The following CCDC171 variants were observed in gnomAD, a reference collection of about 807,000 sequenced individuals.
The protein encoded by CCDC171 is coiled-coil domain containing 171.
CCDC171 carries 177 observed loss-of-function variants against 168.2 expected under a neutral mutation model. That is an observed-to-expected ratio of 1.05 (90% CI 0.93 to 1.19). The LOEUF (loss-of-function observed/expected upper bound fraction) is 1.19. Among genes scored for constraint, CCDC171 ranks in the 50% most tolerant of loss-of-function variants. The probability of loss-of-function intolerance (pLI) is 0.00; values close to 1 mark genes in which losing one functional copy is unlikely to be tolerated. For missense variants in CCDC171, 1,991 were observed against 1,539.0 expected (o/e 1.29, Z -4.91); for synonymous variants, 687 against 540.8 (o/e 1.27, Z -3.75).
intron 5 of CCDC171, 31 bp from the exon 6 acceptor site, chr9:15,594,010 A>G: frequency 6.6e-7 from 1 of 1,506,266 alleles, no homozygotes; most frequent in South Asian, 1.2e-5. Context: ...TTATTGATCT[A>G]ACAGTAAAGC....
chr9:15,575,443 G>A (rs1282804497), intron 3 of CCDC171, among the ~76,000 whole-genome samples: 1 of 152,022 alleles, frequency 6.6e-6, no homozygotes, highest in Non-Finnish European at 1.5e-5. Flanking sequence ...CAAAGTGCTG[G>A]GACAACAGGT....
chr9:15,936,756 T>G lies in CCDC171; in HGVS notation c.3753+16334T>G, dbSNP rs929195723. ...TGTCCCGTCAAAATGTGCTTCTGATTAGGTGGCTTAATTACAGCTGTGAAA... is the reference window on the plus strand; with the variant it reads ...TGTCCCGTCAAAATGTGCTTCTGATGAGGTGGCTTAATTACAGCTGTGAAA... On this transcript the variant is annotated intron_variant, in intron 25 of 25. Coordinates refer to ENST00000380701, the MANE Select transcript of CCDC171 (RefSeq NM_173550.4). Among the ~76,000 whole-genome samples the G allele has an allele frequency of 2.6e-4, 40 of 152,074 alleles. 2 individuals carry two copies.
intron 6 of CCDC171, among the ~76,000 whole-genome samples, chr9:15,617,926 A>C (rs1480634326): frequency 6.6e-6 from 1 of 152,026 alleles, no homozygotes; most frequent in African/African-American, 2.4e-5. Flanking sequence ...GAGCTCTCTT[A>C]TATGAGGTGT....
In CCDC171 at chr9:15,664,588, A is replaced by ACACACACACACT. The variant is rs1368494841; in HGVS notation, c.916-1574_916-1573insACACACACACTC. ...TTTATACACACACACACACACACAC[A>ACACACACACACT]CTCACACGAGTTGTTTTGTAGCCTT... On this transcript the variant is annotated intron_variant, in intron 8 of 25. Transcript: ENST00000380701. 6.0e-5 allele frequency among the ~76,000 whole-genome samples: 9 copies of ACACACACACACT among 150,096 alleles called. No homozygotes were observed. The South Asian group carries it at 6.3e-4, about 10-fold the overall frequency.
At chr9:15,933,274 G>C (rs1011252749) in intron 25 of CCDC171, among the ~76,000 whole-genome samples, 1 of 151,800 alleles carries the variant, frequency 6.6e-6, no homozygotes, top group Non-Finnish European at 1.5e-5. Context: ...TTCCTCACTT[G>C]TTTTTGGTCT....
At chr9:15,660,120 G>C (rs534236791) in intron 8 of CCDC171, among the ~76,000 whole-genome samples, 1 of 152,098 alleles carries the variant, frequency 6.6e-6, no homozygotes, top group African/African-American at 2.4e-5. Context: ...TAAAGATTTG[G>C]TATTAAAATT....
chr9:16,008,617 T>C (rs550997025), intron 3 of CCDC171, among the ~76,000 whole-genome samples: 1 of 152,300 alleles, frequency 6.6e-6, no homozygotes, highest in East Asian at 1.9e-4. Context: ...TGGTCCCCTG[T>C]TCTTGCCATT....
At chr9:15,989,526 C>T (rs1348104087) in intron 3 of CCDC171, among the ~76,000 whole-genome samples, 1 of 152,090 alleles carries the variant, frequency 6.6e-6, no homozygotes, top group Admixed American at 6.5e-5. Flanking sequence ...GGGCCTCTCC[C>T]CCTCCAAAGG....
In CCDC171 at chr9:15,712,628, G is replaced by A. The variant is rs116621058; in HGVS notation, c.1319-9141G>A. On this transcript the variant is annotated intron_variant, in intron 11 of 25. Transcript: ENST00000380701. ...AGGAAAATCCGTATTCAGAGTAAGT[G>A]TCTATCTTAGTAAGAATAAAGCATT... Among the ~76,000 whole-genome samples the A allele has an allele frequency of 8.2e-4, 125 of 152,330 alleles. 1 individual carries two copies. The highest frequency in any genetic ancestry group is 2.6e-3 in the African/African-American group (109 of 41,576).
In CCDC171 at chr9:16,009,282, C is replaced by T. The variant is rs573859372; in HGVS notation, n.369-11307C>T. ...TCTAGCTAAAAAGGAAACTTCTGTC[C>T]GCTTGAAATAACAGATACTCACCTT... On this transcript the variant is annotated intron_variant and non_coding_transcript_variant, in intron 3 of 9. Transcript: ENST00000486641. 5.9e-5 allele frequency among the ~76,000 whole-genome samples: 9 copies of T among 152,144 alleles called. No individual in the cohort carries two copies. In the South Asian group the frequency reaches 8.3e-4, roughly 14 times the overall value.
chr9:15,980,969 A>C (rs1831776716), intron 3 of CCDC171, among the ~76,000 whole-genome samples: 1 of 152,136 alleles, frequency 6.6e-6, no homozygotes, highest in Admixed American at 6.6e-5. Context: ...GAAGGCAAGA[A>C]AGAGCAAGTC....
chr9:15,590,087 G>C (rs2041871137), intron 4 of CCDC171, among the ~76,000 whole-genome samples: 1 of 152,120 alleles, frequency 6.6e-6, no homozygotes, highest in Non-Finnish European at 1.5e-5. Flanking sequence ...GCTTTCACGA[G>C]AAAAGAAAAA....
chr9:15,594,690 A>AG (rs1334390585), intron 6 of CCDC171, among the ~76,000 whole-genome samples: 1 of 152,144 alleles, frequency 6.6e-6, no homozygotes, highest in Non-Finnish European at 1.5e-5. Context: ...GGAGATTTGG[A>AG]AGTTACTGAC....
chr9:15,773,502 G>A (rs2057122386), intron 18 of CCDC171, among the ~76,000 whole-genome samples: 1 of 152,056 alleles, frequency 6.6e-6, no homozygotes, highest in South Asian at 2.1e-4. Flanking sequence ...AGAATATAGG[G>A]TTCACTTCTT....
the CCDC171 span, among the ~76,000 whole-genome samples, chr9:16,099,302 C>G: frequency 1.3e-5 from 2 of 152,120 alleles, no homozygotes; most frequent in Non-Finnish European, 2.9e-5. Context: ...GTTTATTCTG[C>G]TAAGTTTCAT....
chr9:15,854,128 G>C (rs1385355567), intron 23 of CCDC171, among the ~76,000 whole-genome samples: 2 of 150,248 alleles, frequency 1.3e-5, no homozygotes, highest in Admixed American at 6.7e-5. Flanking sequence ...GAATAGGTTA[G>C]GAGATGCTCC....
chr9:15,710,205 A>G (rs1016695365), intron 11 of CCDC171, among the ~76,000 whole-genome samples: 1 of 152,194 alleles, frequency 6.6e-6, no homozygotes, highest in Admixed American at 6.5e-5. Context: ...TATATCTCAT[A>G]TAATATCAGT....
the CCDC171 span, among the ~76,000 whole-genome samples, chr9:16,088,004 C>G: frequency 1.3e-5 from 2 of 152,036 alleles, no homozygotes; most frequent in Non-Finnish European, 2.9e-5. Context: ...TCCAGCAGCC[C>G]GTTAAAAAGC....
At chr9:15,736,407 G>T (rs2054495988) in intron 16 of CCDC171, among the ~76,000 whole-genome samples, 1 of 151,794 alleles carries the variant, frequency 6.6e-6, no homozygotes, top group South Asian at 2.1e-4. Context: ...CTAGAGGTCA[G>T]TCGTGCGATC....
Sources: allele counts gnomAD v4.1 joint callset (sites outside exome capture counted in the v4.1 genomes callset), GRCh38; gene constraint gnomAD v4.1.1; transcripts MANE v1.5; gene names NCBI Gene and HGNC (gene_info 2026-07-23, HGNC 2026-07-21).